Variants in KCND3 observed in about 807,000 individuals in gnomAD.
KCND3 encodes potassium voltage-gated channel subfamily D member 3.
A neutral mutation model predicts 51.1 loss-of-function variants in KCND3; 9 were observed. The observed-to-expected ratio is 0.18, with a 90% CI of 0.11 to 0.31. The LOEUF is 0.31. KCND3 is among the 10% of genes least tolerant of loss of function. The pLI, the probability that KCND3 is intolerant of heterozygous loss-of-function variation, is 1.00. For missense variants in KCND3, 526 were observed against 903.8 expected (o/e 0.58, Z 5.36); for synonymous variants, 349 against 368.0 (o/e 0.95, Z 0.59).
intron 2 of KCND3, among the ~76,000 whole-genome samples, chr1:111,923,307 G>T (rs1358487387): frequency 6.6e-6 from 1 of 152,180 alleles, no homozygotes; most frequent in Non-Finnish European, 1.5e-5. Context: ...ACCAGAGGTG[G>T]TTTCCTGCCT....
chr1:111,839,747 A>G (rs938584764), intron 2 of KCND3, among the ~76,000 whole-genome samples: 2 of 152,262 alleles, frequency 1.3e-5, no homozygotes, highest in South Asian at 4.1e-4. Context: ...TTTACAGATA[A>G]GGAGACAGAG....
At chr1:111,976,499 G>A (rs931777952) in intron 2 of KCND3, among the ~76,000 whole-genome samples, 7 of 152,210 alleles carry the variant, frequency 4.6e-5, no homozygotes, top group Admixed American at 2.6e-4. Context: ...GTAAACAAAC[G>A]AACCTGTTTG....
chr1:111,932,215 TAC>T (rs1396474406), intron 2 of KCND3, among the ~76,000 whole-genome samples: 2 of 152,182 alleles, frequency 1.3e-5, no homozygotes, highest in Non-Finnish European at 2.9e-5. Context: ...GCAACCTTAA[TAC>T]CACCTGCTGC....
intron 2 of KCND3, among the ~76,000 whole-genome samples, chr1:111,827,753 T>C (rs1666643938): frequency 6.6e-6 from 1 of 152,166 alleles, no homozygotes; most frequent in Admixed American, 6.5e-5. Context: ...TTCACTTTGC[T>C]CTCTGCCCTC....
intron 2 of KCND3, among the ~76,000 whole-genome samples, chr1:111,933,872 C>T (rs910760893): frequency 2.6e-5 from 4 of 152,212 alleles, no homozygotes; most frequent in African/African-American, 9.6e-5. Flanking sequence ...GATTAAAGTA[C>T]TTGATCTGTC....
chr1:111,855,922 A>G (rs1668045423), intron 2 of KCND3, among the ~76,000 whole-genome samples: 2 of 152,156 alleles, frequency 1.3e-5, no homozygotes, highest in African/African-American at 4.8e-5. Context: ...GGCCCCCTCA[A>G]GAGGAGCTAT....
At chr1:111,835,981 C>A (rs1345356325) in intron 2 of KCND3, among the ~76,000 whole-genome samples, 1 of 152,200 alleles carries the variant, frequency 6.6e-6, no homozygotes. Flanking sequence ...CATCTGTGAT[C>A]ATCTAGTGTA....
At chr1:111,911,870 C>A (rs1670965502) in intron 2 of KCND3, among the ~76,000 whole-genome samples, 7 of 152,190 alleles carry the variant, frequency 4.6e-5, no homozygotes, top group Admixed American at 4.6e-4. Flanking sequence ...AAATGAGAGA[C>A]CCCTACAATT....
chr1:111,886,413 A>G (rs1449534752), intron 2 of KCND3, among the ~76,000 whole-genome samples: 2 of 152,222 alleles, frequency 1.3e-5, no homozygotes, highest in Admixed American at 6.5e-5. Flanking sequence ...CATGAAAAAT[A>G]TGGGGAAGAG....
chr1:111,873,321 C>G (rs754400211), intron 2 of KCND3, among the ~76,000 whole-genome samples: 1 of 152,186 alleles, frequency 6.6e-6, no homozygotes, highest in African/African-American at 2.4e-5. Flanking sequence ...CCAGGACAAA[C>G]GTGGCACCAG....
chr1:111,837,559 C>T (rs1027149138), intron 2 of KCND3, among the ~76,000 whole-genome samples: 62 of 152,116 alleles, frequency 4.1e-4, no homozygotes, highest in African/African-American at 1.5e-3. Context: ...GGATTTGGAC[C>T]AGGAAGTTTT....
intron 2 of KCND3, among the ~76,000 whole-genome samples, chr1:111,795,563 C>T (rs1268675324): frequency 1.3e-5 from 2 of 152,234 alleles, no homozygotes; most frequent in African/African-American, 4.8e-5. Context: ...CAGTGCTCCA[C>T]ATCAGGCTTG....
At chr1:111,845,103 T>C (rs553820256) in intron 2 of KCND3, among the ~76,000 whole-genome samples, 9 of 152,272 alleles carry the variant, frequency 5.9e-5, no homozygotes, top group South Asian at 4.2e-4. Flanking sequence ...GTGAAATGTG[T>C]TCACCAAGGT....
chr1:111,922,239 G>C (rs1671506320), intron 2 of KCND3, among the ~76,000 whole-genome samples: 1 of 152,212 alleles, frequency 6.6e-6, no homozygotes, highest in African/African-American at 2.4e-5. Flanking sequence ...AAGAGGAACT[G>C]CCTTGAGGCT....
intron 2 of KCND3, among the ~76,000 whole-genome samples, chr1:111,933,683 A>T (rs1432830941): frequency 6.6e-6 from 1 of 152,164 alleles, no homozygotes. Context: ...CCACCTTTCA[A>T]AGCTGATGGG....
intron 2 of KCND3, among the ~76,000 whole-genome samples, chr1:111,807,451 G>A (rs959931353): frequency 1.3e-5 from 2 of 152,264 alleles, no homozygotes; most frequent in Admixed American, 6.5e-5. Context: ...GCCAAGGCGG[G>A]TGGATCATGA....
chr1:111,846,696 A>G (rs1409159358), intron 2 of KCND3, among the ~76,000 whole-genome samples: 2 of 152,342 alleles, frequency 1.3e-5, no homozygotes, highest in African/African-American at 2.4e-5. Flanking sequence ...AGCATTCACA[A>G]TGACCTTTTA....
chr1:111,951,157 CAAAAAAAAAAAAAAA>C (rs71081206), intron 2 of KCND3, among the ~76,000 whole-genome samples: 165 of 30,638 alleles, frequency 5.4e-3, no homozygotes, highest in Admixed American at 0.017. Flanking sequence ...CAAACAAGAG[CAAAAAAAAAAAAAAA>C]AAAAAAAAAA....
intron 2 of KCND3, among the ~76,000 whole-genome samples, chr1:111,921,161 C>T (rs1671458745): frequency 6.6e-6 from 1 of 152,206 alleles, no homozygotes; most frequent in Non-Finnish European, 1.5e-5. Context: ...CTATAGTGCC[C>T]TATGATGTAG....
Sources: gnomAD v4.1 joint callset for allele counts (sites outside exome capture counted in the v4.1 genomes callset) on GRCh38, gnomAD v4.1.1 for gene constraint, MANE v1.5 for transcripts, NCBI Gene and HGNC (gene_info 2026-07-23, HGNC 2026-07-21) for gene names.